The following MSI2 variants were observed in gnomAD, a reference collection of about 807,000 sequenced individuals.
MSI2 encodes musashi RNA binding protein 2, also known as RNA-binding protein Musashi homolog 2.
In MSI2, 17 loss-of-function variants were observed where a neutral mutation model predicts 45.6. That is an observed-to-expected ratio of 0.37 (90% confidence interval 0.26 to 0.56). The LOEUF is 0.56. Among genes scored for constraint, MSI2 ranks in the 20% least tolerant of loss-of-function variants. MSI2 has a pLI of 0.77. For synonymous variants in MSI2, 156 were observed against 158.2 expected (o/e 0.99, Z 0.11); for missense variants, 293 against 444.2 (o/e 0.66, Z 3.06).
At chr17:57,489,528 G>A (rs951472413) in intron 6 of MSI2, among the ~76,000 whole-genome samples, 4 of 152,226 alleles carry the variant, frequency 2.6e-5, no homozygotes, top group East Asian at 1.9e-4. Context: ...CTCCTGGCAC[G>A]GCCAGTCCCT....
intron 6 of MSI2, among the ~76,000 whole-genome samples, chr17:57,500,465 G>A (rs533544532): frequency 2.6e-5 from 4 of 151,804 alleles, no homozygotes; most frequent in East Asian, 3.9e-4. Context: ...GCCAGGTGGG[G>A]TGGGCTAGCA....
chr17:57,553,076 C>G (rs2087343219), intron 7 of MSI2, among the ~76,000 whole-genome samples: 1 of 152,314 alleles, frequency 6.6e-6, no homozygotes, highest in Admixed American at 6.5e-5. Flanking sequence ...GACGCCTGGC[C>G]TATTCAAAAG....
At chr17:57,394,195 TG>T (rs1251039383) in intron 5 of MSI2, among the ~76,000 whole-genome samples, 5 of 152,184 alleles carry the variant, frequency 3.3e-5, no homozygotes, top group South Asian at 2.1e-4. Flanking sequence ...TTTTTCCAAT[TG>T]TTTTTTTTCT....
rs570909485 is a variant in MSI2 at position 57,443,193 on chromosome 17, C to T, written c.405+41722C>T. Among the ~76,000 whole-genome samples, 313 of 152,242 alleles carry T rather than the reference C, an allele frequency of 2.1e-3. 2 individuals are homozygous for T. The highest frequency in any genetic ancestry group is 6.3e-3 in the African/African-American group (261 of 41,536). The stretch of plus-strand genomic sequence containing the variant: ...TTGGCTTCAGGTGACTTTGTGGCTT[C>T]GGCCTTGGGTAAAGGGAGTGGGGGG... On this transcript the variant is annotated intron_variant, in intron 6 of 13. Transcript: ENST00000284073.
chr17:57,482,733 C>T (rs757886261), intron 6 of MSI2, among the ~76,000 whole-genome samples: 4 of 152,180 alleles, frequency 2.6e-5, no homozygotes, highest in African/African-American at 9.7e-5. Flanking sequence ...TGTTTGTAGA[C>T]AGCAGTGCTG....
intron 5 of MSI2, among the ~76,000 whole-genome samples, chr17:57,311,312 A>G (rs1027648907): frequency 1.3e-5 from 2 of 152,190 alleles, no homozygotes; most frequent in South Asian, 2.1e-4. Context: ...CAGCTCAAGG[A>G]TGGAGGTGCT....
intron 6 of MSI2, chr17:57,444,836 A>G (rs1332511904): frequency 6.6e-6 from 1 of 152,158 alleles, no homozygotes; most frequent in Admixed American, 6.5e-5. Context: ...CTGTGGCTAT[A>G]ATTAAGCCTC....
At chr17:57,624,930 T>C (rs1215288114) in intron 9 of MSI2, among the ~76,000 whole-genome samples, 2 of 152,168 alleles carry the variant, frequency 1.3e-5, no homozygotes, top group Non-Finnish European at 2.9e-5. Context: ...ACAACAAACA[T>C]TTATTTCTCA....
chr17:57,519,459 ACTGCGTTCCAGAGCCCT>A (rs1364683097), intron 6 of MSI2, among the ~76,000 whole-genome samples: 3 of 152,098 alleles, frequency 2.0e-5, no homozygotes, highest in Non-Finnish European at 4.4e-5. Flanking sequence ...CTGAGCCTGG[ACTGCGTTCCAGAGCCCT>A]CTGGCAGTTC....
At chr17:57,335,432 A>G (rs921137135) in intron 5 of MSI2, among the ~76,000 whole-genome samples, 1 of 152,212 alleles carries the variant, frequency 6.6e-6, no homozygotes, top group African/African-American at 2.4e-5. Context: ...GAACCCAGCT[A>G]CACACATTTG....
intron 5 of MSI2, among the ~76,000 whole-genome samples, chr17:57,263,195 T>A (rs1000896134): frequency 6.6e-6 from 1 of 152,184 alleles, no homozygotes; most frequent in Non-Finnish European, 1.5e-5. Context: ...AGTTGGTGAT[T>A]GTGATGGTAC....
At position 57,432,129 on chromosome 17, in the gene MSI2, G is replaced by T. The variant is rs79340733; in HGVS notation, c.405+30658G>T. Among the ~76,000 whole-genome samples, 842 of 152,270 alleles carry T rather than the reference G, an allele frequency of 5.5e-3. 5 individuals carry two copies. The highest frequency in any genetic ancestry group is 0.019 in the African/African-American group (796 of 41,558). On this transcript the variant is annotated intron_variant, in intron 6 of 13. Coordinates refer to ENST00000284073, the MANE Select transcript of MSI2 (RefSeq NM_138962.4). ...TATTAAGCTTGAAAAAAATTGAGCT[G>T]TCTTAATTGAATTATTGAATTACCA...
intron 11 of MSI2, among the ~76,000 whole-genome samples, chr17:57,670,799 G>C (rs1912718902): frequency 6.6e-6 from 1 of 152,102 alleles, no homozygotes; most frequent in South Asian, 2.1e-4. Flanking sequence ...TGCCTTATTG[G>C]CCTCTGCATA....
chr17:57,312,339 ATTTTTC>A (rs1172679359), intron 5 of MSI2, among the ~76,000 whole-genome samples: 1 of 152,004 alleles, frequency 6.6e-6, no homozygotes, highest in African/African-American at 2.4e-5. Context: ...TTCCTTCCTA[ATTTTTC>A]TTTTTCAAAA....
At chr17:57,397,413 C>T (rs773111361) in intron 5 of MSI2, among the ~76,000 whole-genome samples, 2 of 152,180 alleles carry the variant, frequency 1.3e-5, no homozygotes, top group African/African-American at 4.8e-5. Context: ...AAACACACAC[C>T]CATGCATGTG....
At chr17:57,285,558 A>C (rs1342017308) in intron 5 of MSI2, among the ~76,000 whole-genome samples, 1 of 152,154 alleles carries the variant, frequency 6.6e-6, no homozygotes, top group Non-Finnish European at 1.5e-5. Context: ...GGGTGTGGGG[A>C]AAGTATGCCC....
At chr17:57,697,147 C>CACACACACAT in the MSI2 span, among the ~76,000 whole-genome samples, 14 of 133,954 alleles carry the variant, frequency 1.0e-4, no homozygotes, top group Non-Finnish European at 1.8e-4. Context: ...CAGCAGGACA[C>CACACACACAT]ACACACACAC....
intron 6 of MSI2, among the ~76,000 whole-genome samples, chr17:57,489,560 G>A (rs1020593378): frequency 6.6e-6 from 1 of 152,232 alleles, no homozygotes; most frequent in Non-Finnish European, 1.5e-5. Flanking sequence ...GGCCGGCGGG[G>A]CCAGCTGGTA....
At chr17:57,606,549 C>T (rs1906598008) in intron 8 of MSI2, among the ~76,000 whole-genome samples, 1 of 152,118 alleles carries the variant, frequency 6.6e-6, no homozygotes, top group South Asian at 2.1e-4. Context: ...GGGTACATCT[C>T]AGGTGATATT....
Sources: allele counts gnomAD v4.1 joint callset (sites outside exome capture counted in the v4.1 genomes callset), GRCh38; gene constraint gnomAD v4.1.1; transcripts MANE v1.5; gene names NCBI Gene and HGNC (gene_info 2026-07-23, HGNC 2026-07-21).